The following KL variants were observed in gnomAD, a reference collection of about 807,000 sequenced individuals.
KL encodes alpha-klotho.
KL carries 62 observed loss-of-function variants against 84.2 expected under a neutral mutation model. That is an observed-to-expected ratio of 0.74 (90% CI 0.60 to 0.91). The LOEUF (loss-of-function observed/expected upper bound fraction) is 0.91, where lower values mean the gene tolerates loss of function less well. Among genes scored for constraint, KL ranks in the 40% least tolerant of loss-of-function variants. The pLI is 0.00. For synonymous variants in KL, 528 were observed against 528.0 expected (o/e 1.00, Z 0.00); for missense variants, 1,261 against 1,305.7 (o/e 0.97, Z 0.53).
chr13:33,016,958 A>G lies in KL; in HGVS notation c.518A>G (p.Tyr173Cys), dbSNP rs747348421. ...GVPNREGLRYYRRLLERLREL... is the reference protein window; with the variant it reads ...GVPNREGLRYCRRLLERLREL... ...CCCAACCGCGAGGGGCTGCGCTACT[A>G]CCGGCGCCTGCTGGAGCGGCTGCGG... The change falls in exon 1 of 5, where the codon TAC (tyrosine) becomes TGC (cysteine). Residue 173 changes from tyrosine to cysteine, a missense_variant. By Grantham distance (194) the Tyr-to-Cys change is radical. Coordinates refer to ENST00000380099, the MANE Select transcript of KL (RefSeq NM_004795.4). 1 of 1,603,118 alleles carries G rather than the reference A, an allele frequency of 6.2e-7. No individual in the cohort carries two copies. Among genetic ancestry groups the G allele is most frequent in the Non-Finnish European group, 8.5e-7 (1 of 1,176,550 alleles).
At position 33,061,705 on chromosome 13, in the gene KL, G is replaced by A. The variant is rs146235320; in HGVS notation, c.2626G>A (p.Asp876Asn). 2,997 of 1,613,872 alleles carry A rather than the reference G, an allele frequency of 1.9e-3. 9 individuals carry two copies. Among genetic ancestry groups the A allele is most frequent in the Non-Finnish European group, 1.7e-3 (1,986 of 1,179,792 alleles). The change falls in exon 4 of 5, where the codon GAT (aspartate) becomes AAT (asparagine). Residue 876 changes from aspartate (D) to asparagine (N), a missense_variant. Asp to Asn is a conservative substitution (Grantham distance 23). Coordinates refer to ENST00000380099, the MANE Select transcript of KL (RefSeq NM_004795.4). ...LPMYIISNGI[D>N]DGLHAEDDQL... ...CATGTACATAATATCCAATGGAATC[G>A]ATGACGGGCTGCATGCTGAGGACGA...
intron 4 of KL, among the ~76,000 whole-genome samples, chr13:33,062,862 A>T (rs1872262251): frequency 6.6e-6 from 1 of 151,894 alleles, no homozygotes; most frequent in Non-Finnish European, 1.5e-5. Flanking sequence ...TGGGAGAATA[A>T]CTTCCAATCC....
intron 1 of KL, 96 bp downstream of exon 1, chr13:33,017,355 G>A (rs974202203): frequency 2.3e-5 from 27 of 1,182,476 alleles, no homozygotes; most frequent in Non-Finnish European, 3.0e-5. Flanking sequence ...TCCCCCAGAC[G>A]AGGCTTCACT....
At chr13:33,038,947 C>T (rs17762744) in intron 1 of KL, among the ~76,000 whole-genome samples, 8,646 of 152,154 alleles carry the variant, frequency 0.057, 336 homozygotes, top group South Asian at 0.11. Context: ...ATACATATTT[C>T]GTTACATAAA....
chr13:33,017,125 G>T lies in KL; in HGVS notation c.685G>T (p.Gly229Cys). ...YAELCFRHFG[G>C]QVKYWITIDN... ...GGAGCTCTGCTTCCGCCACTTCGGC[G>T]GTCAGGTCAAGTACTGGATCACCAT... The change falls in exon 1 of 5, where the codon GGT becomes TGT. Residue 229 changes from glycine (G) to cysteine (C), a missense_variant. By Grantham distance (159) the Gly-to-Cys change is radical. Coordinates refer to ENST00000380099, the MANE Select transcript of KL (RefSeq NM_004795.4). 1.9e-6 allele frequency: 3 copies of T among 1,604,036 alleles called. No homozygotes were observed. Among genetic ancestry groups the T allele is most frequent in the Non-Finnish European group, 8.5e-7 (1 of 1,179,796 alleles).
intron 1 of KL, among the ~76,000 whole-genome samples, chr13:33,030,658 C>T (rs569531479): frequency 3.9e-5 from 6 of 152,160 alleles, no homozygotes; most frequent in East Asian, 3.9e-4. Context: ...GGAGCAGGTA[C>T]AACAGAAGGG....
intron 1 of KL, among the ~76,000 whole-genome samples, chr13:33,020,996 C>T (rs957766869): frequency 1.3e-5 from 2 of 152,218 alleles, no homozygotes; most frequent in African/African-American, 4.8e-5. Flanking sequence ...CTTCGCTTTG[C>T]TCAGATGCCT....
chr13:33,024,621 C>T (rs1429550545), intron 1 of KL, among the ~76,000 whole-genome samples: 3 of 152,204 alleles, frequency 2.0e-5, no homozygotes, highest in African/African-American at 7.2e-5. Flanking sequence ...AGGATGGGGG[C>T]ATGGGAGGCA....
Position 33,061,553 on chromosome 13 carries a change from A to C in KL, c.2474A>C (p.Asn825Thr), listed in dbSNP as rs751972343. 1.2e-6 allele frequency: 2 copies of C among 1,614,108 alleles called. No individual in the cohort carries two copies. The highest frequency in any genetic ancestry group is 1.7e-6 in the Non-Finnish European group (2 of 1,180,054). ...GAAAAAGAAGATCCAATAAAATACA[A>C]TGATTACCTAGAAGTGCAAGAAATG... ...DSEKEDPIKYNDYLEVQEMTD... is the reference protein window; with the variant it reads ...DSEKEDPIKYTDYLEVQEMTD... The change falls in exon 4 of 5, where the codon AAT (asparagine) becomes ACT (threonine). Residue 825 changes from asparagine (N) to threonine (T), a missense_variant. By Grantham distance (65) the Asn-to-Thr change is moderately conservative. Transcript: ENST00000380099.
At chr13:33,031,921 T>G (rs1286648181) in intron 1 of KL, among the ~76,000 whole-genome samples, 1 of 145,070 alleles carries the variant, frequency 6.9e-6, no homozygotes, top group South Asian at 2.1e-4. Context: ...TCTAGAGTCC[T>G]TTTTTTTTGT....
intron 1 of KL, among the ~76,000 whole-genome samples, chr13:33,047,017 G>A (rs1273209395): frequency 6.6e-6 from 1 of 151,934 alleles, no homozygotes; most frequent in East Asian, 1.9e-4. Flanking sequence ...TACTTTTTAT[G>A]ATCTCAACAG....
In KL at chr13:33,061,174, G is replaced by T; in HGVS notation, c.2095G>T (p.Ala699Ser). The T allele has an allele frequency of 6.2e-7, 1 of 1,614,260 alleles. No homozygotes were observed. Among genetic ancestry groups the T allele is most frequent in the Non-Finnish European group, 8.5e-7 (1 of 1,180,048 alleles). ...EPYTRNMTYS[A>S]GHNLLKAHAL... ...GTATACAAGGAATATGACATACAGT[G>T]CTGGCCACAACCTTCTGAAGGCCCA... Residue 699 changes from alanine to serine, a missense_variant, in exon 4 of 5, where the codon GCT (alanine) becomes TCT (serine). Ala to Ser is a moderately conservative substitution (Grantham distance 99). Coordinates refer to ENST00000380099, the MANE Select transcript of KL (RefSeq NM_004795.4).
chr13:33,053,796 T>C lies in KL; in HGVS notation c.849T>C (p.Asn283=). Residue 283 remains asparagine (N), a synonymous_variant, in exon 2 of 5, where the codon AAT becomes AAC. Transcript: ENST00000380099. ...ATGCCAAAGTCTGGCATCTCTACAA[T>C]ACTTCTTTCCGTCCCACTCAGGGAG... ...LAHAKVWHLY[N]TSFRPTQGGQ... The C allele has an allele frequency of 6.2e-7, 1 of 1,614,192 alleles. No individual in the cohort carries two copies. Among genetic ancestry groups the C allele is most frequent in the Non-Finnish European group, 8.5e-7 (1 of 1,180,020 alleles).
chr13:33,016,530 C>G lies in KL; in HGVS notation c.90C>G (p.Arg30=). 1 of 1,349,616 alleles carries G rather than the reference C, an allele frequency of 7.4e-7. No individual in the cohort carries two copies. Among genetic ancestry groups the G allele is most frequent in the Non-Finnish European group, 9.5e-7 (1 of 1,055,726 alleles). The allele number at this position is 1,349,616 out of a possible 1,614,324, so 83.6% of individuals were successfully genotyped here. A position where few individuals can be genotyped will look rare whatever the true frequency, so the allele number is the denominator to read the frequency against. The change falls in exon 1 of 5, where the codon CGC becomes CGG. Residue 30 remains arginine, a synonymous_variant. Coordinates refer to ENST00000380099, the MANE Select transcript of KL (RefSeq NM_004795.4). ...TGCTGCTGGGCCTGGGCGGCCGCCGCCTGCGTGCGGAGCCGGGCGACGGCG... is the reference window on the plus strand; with the variant it reads ...TGCTGCTGGGCCTGGGCGGCCGCCGGCTGCGTGCGGAGCCGGGCGACGGCG... ...LLVLLGLGGR[R]LRAEPGDGAQ... is the part of the protein sequence containing the mutation.
In KL at chr13:33,044,640, C is replaced by CTTTTTTTTTTTTTTT. The variant is rs71071071; in HGVS notation, c.820-9113_820-9099dup. 9.1e-4 allele frequency among the ~76,000 whole-genome samples: 48 copies of CTTTTTTTTTTTTTTT among 52,762 alleles called. 16 individuals are homozygous for CTTTTTTTTTTTTTTT. Among genetic ancestry groups the CTTTTTTTTTTTTTTT allele is most frequent in the South Asian group, 1.7e-3 (2 of 1,152 alleles). The allele number at this position is 52,762 out of a possible 152,430, so 34.6% of individuals were successfully genotyped here. On this transcript the variant is annotated intron_variant, in intron 1 of 4. Coordinates refer to ENST00000380099, the MANE Select transcript of KL (RefSeq NM_004795.4). Reference sequence around the variant, plus strand: ...TTCATATATAAATGCAATTGATTTTCTTTTTTTTTTTTTTTTTTTTTTTTT... The same window carrying CTTTTTTTTTTTTTTT: ...TTCATATATAAATGCAATTGATTTTCTTTTTTTTTTTTTTTTTTTTTTTTTTTTTTTTTTTTTTTT...
At chr13:33,042,344 G>T (rs1182804611) in intron 1 of KL, among the ~76,000 whole-genome samples, 1 of 152,068 alleles carries the variant, frequency 6.6e-6, no homozygotes, top group Non-Finnish European at 1.5e-5. Flanking sequence ...TAAAGATATA[G>T]AATATTCTCA....
intron 3 of KL, 97 bp downstream of exon 3, chr13:33,055,412 G>A (rs765187533): frequency 2.5e-5 from 38 of 1,524,604 alleles, no homozygotes; most frequent in East Asian, 2.3e-4. Context: ...CACATTGTCC[G>A]TTCTTTGAGC....
chr13:33,026,775 C>T (rs556518173), intron 1 of KL, among the ~76,000 whole-genome samples: 3 of 152,268 alleles, frequency 2.0e-5, no homozygotes, highest in Non-Finnish European at 4.4e-5. Context: ...GATTGGCACC[C>T]CCATGAGCAT....
intron 1 of KL, among the ~76,000 whole-genome samples, chr13:33,035,023 G>A (rs559950922): frequency 5.3e-5 from 8 of 152,338 alleles, no homozygotes; most frequent in Admixed American, 2.0e-4. Context: ...CACAAGTGGA[G>A]TTTGTGTTAT....
Sources: allele counts gnomAD v4.1 joint callset (sites outside exome capture counted in the v4.1 genomes callset), GRCh38; gene constraint gnomAD v4.1.1; transcripts MANE v1.5; gene names NCBI Gene and HGNC (gene_info 2026-07-23, HGNC 2026-07-21).